Variants in NPSR1 observed in about 807,000 individuals in gnomAD.
The protein encoded by NPSR1 is neuropeptide S receptor.
In NPSR1, 48 loss-of-function variants were observed where a neutral mutation model predicts 46.9. The observed-to-expected ratio is 1.02, with a 90% CI of 0.81 to 1.30. The LOEUF (loss-of-function observed/expected upper bound fraction) is 1.30, where lower values mean the gene tolerates loss of function less well. Ranked by LOEUF, NPSR1 falls within the 50% of genes most tolerant of loss-of-function variation. The pLI, the probability that NPSR1 is intolerant of heterozygous loss-of-function variation, is 0.00. For missense variants in NPSR1, 450 were observed against 449.5 expected (o/e 1.00, Z -0.01); for synonymous variants, 176 against 168.1 (o/e 1.05, Z -0.36).
chr7:34,684,775 T>C, intron 2 of NPSR1, 91 bp downstream of exon 2: 2 of 926,764 alleles, frequency 2.2e-6, no homozygotes, highest in Non-Finnish European at 3.1e-6. Flanking sequence ...AAAAAAAAAA[T>C]GTAACGCATC....
chr7:34,824,543 A>G (rs1269357655), intron 4 of NPSR1, among the ~76,000 whole-genome samples: 1 of 152,196 alleles, frequency 6.6e-6, no homozygotes, highest in East Asian at 1.9e-4. Context: ...TTCACAGTGT[A>G]GCCCCAGCAC....
At chr7:34,824,717 TG>T (rs112772601) in intron 4 of NPSR1, among the ~76,000 whole-genome samples, 27,802 of 151,976 alleles carry the variant, frequency 0.18, 2,714 homozygotes, top group East Asian at 0.31. Context: ...GGAAACTTTG[TG>T]GGGCCCAGGA....
intron 8 of NPSR1, among the ~76,000 whole-genome samples, chr7:34,855,171 A>G (rs956785777): frequency 3.5e-4 from 53 of 152,196 alleles, no homozygotes; most frequent in African/African-American, 1.3e-3. Context: ...TTAAAAATCA[A>G]TAAACAAATT....
intron 2 of NPSR1, among the ~76,000 whole-genome samples, chr7:34,741,659 G>GCA (rs1037839691): frequency 6.6e-6 from 1 of 152,082 alleles, no homozygotes; most frequent in African/African-American, 2.4e-5. Context: ...TAAAACAAAG[G>GCA]CACACTTTGC....
chr7:34,723,698 GA>G (rs1783987403), intron 2 of NPSR1, among the ~76,000 whole-genome samples: 1 of 151,886 alleles, frequency 6.6e-6, no homozygotes, highest in Non-Finnish European at 1.5e-5. Flanking sequence ...TTGAGAGGGG[GA>G]TCTCACTATG....
intron 8 of NPSR1, 42 bp downstream of exon 8, chr7:34,848,705 T>C (rs749390129): frequency 1.1e-5 from 17 of 1,557,016 alleles, no homozygotes; most frequent in Non-Finnish European, 1.4e-5. Context: ...CTGATGGCCA[T>C]TGCACTGGGA....
At chr7:34,682,554 T>C (rs1053971725) in intron 1 of NPSR1, among the ~76,000 whole-genome samples, 2 of 152,168 alleles carry the variant, frequency 1.3e-5, no homozygotes, top group African/African-American at 4.8e-5. Context: ...GTTCCAGTGT[T>C]TTTTAAGAGA....
At chr7:34,742,195 T>C (rs751751028) in intron 2 of NPSR1, among the ~76,000 whole-genome samples, 16 of 149,448 alleles carry the variant, frequency 1.1e-4, no homozygotes, top group Admixed American at 4.0e-4. Context: ...GGTTTGGGGG[T>C]GCATGTGAAT....
chr7:34,659,185 G>A (rs1367187460), intron 1 of NPSR1, among the ~76,000 whole-genome samples: 1 of 152,180 alleles, frequency 6.6e-6, no homozygotes, highest in Admixed American at 6.5e-5. Context: ...ACTGAGGAAG[G>A]ATCTTCATTA....
chr7:34,835,601 A>T (rs1790327941), intron 6 of NPSR1, among the ~76,000 whole-genome samples: 1 of 152,126 alleles, frequency 6.6e-6, no homozygotes. Flanking sequence ...TGAGGCCACC[A>T]AGAGGATGCA....
intron 2 of NPSR1, among the ~76,000 whole-genome samples, chr7:34,766,698 G>C (rs950478962): frequency 2.0e-5 from 3 of 151,574 alleles, no homozygotes; most frequent in Non-Finnish European, 4.4e-5. Context: ...TCAGCCTCCC[G>C]AGTAGCTGGG....
chr7:34,747,199 T>C (rs1359101655), intron 2 of NPSR1, among the ~76,000 whole-genome samples: 4 of 150,178 alleles, frequency 2.7e-5, no homozygotes, highest in Non-Finnish European at 5.9e-5. Context: ...CTGAAGAGGA[T>C]TTGGGGCATG....
chr7:34,692,735 TA>T (rs1229797868), intron 2 of NPSR1, among the ~76,000 whole-genome samples: 1 of 152,026 alleles, frequency 6.6e-6, no homozygotes, highest in Non-Finnish European at 1.5e-5. Flanking sequence ...GATTGAGATT[TA>T]AAAAAAGATA....
intron 2 of NPSR1, among the ~76,000 whole-genome samples, chr7:34,744,820 T>C (rs1404842670): frequency 6.6e-6 from 1 of 152,248 alleles, no homozygotes; most frequent in Non-Finnish European, 1.5e-5. Flanking sequence ...TGAGTACAGT[T>C]GGCCCTTTGT....
chr7:34,875,398 G>T, intron 8 of NPSR1, among the ~76,000 whole-genome samples: 1 of 152,192 alleles, frequency 6.6e-6, no homozygotes, highest in East Asian at 1.9e-4. Flanking sequence ...CCTCTTCTAA[G>T]GGGTAACGTC....
chr7:34,790,837 T>TTA (rs1335630995), intron 3 of NPSR1, among the ~76,000 whole-genome samples: 4 of 132,426 alleles, frequency 3.0e-5, no homozygotes, highest in Non-Finnish European at 6.4e-5. Flanking sequence ...ATATGTTATG[T>TTA]TATATATATG....
At chr7:34,834,300 C>T (rs192760642) in intron 5 of NPSR1, 84 bp from the exon 6 acceptor site, 86 of 964,814 alleles carry the variant, frequency 8.9e-5, no homozygotes, top group Non-Finnish European at 8.1e-5. Context: ...ACCTTGCACT[C>T]GGGGAGGTGG....
At chr7:34,680,573 C>G (rs1443112120) in intron 1 of NPSR1, among the ~76,000 whole-genome samples, 2 of 152,106 alleles carry the variant, frequency 1.3e-5, no homozygotes, top group African/African-American at 4.8e-5. Flanking sequence ...GTACGGTACC[C>G]TATAGCATTG....
At chr7:34,691,201 C>T (rs1422099023) in intron 2 of NPSR1, among the ~76,000 whole-genome samples, 1 of 152,114 alleles carries the variant, frequency 6.6e-6, no homozygotes, top group African/African-American at 2.4e-5. Context: ...CAATACTAGA[C>T]CAGACTTACA....
Sources: allele counts gnomAD v4.1 joint callset (sites outside exome capture counted in the v4.1 genomes callset), GRCh38; gene constraint gnomAD v4.1.1; transcripts MANE v1.5; gene names NCBI Gene and HGNC (gene_info 2026-07-23, HGNC 2026-07-21).